The following ANKRD12 variants were observed in gnomAD, a reference collection of about 807,000 sequenced individuals.
ANKRD12 encodes the protein ankyrin repeat domain 12, also known as ankyrin repeat domain-containing protein 12.
In ANKRD12, 85 loss-of-function variants were observed where a neutral mutation model predicts 183.4. The observed-to-expected ratio is 0.46, with a 90% confidence interval of 0.39 to 0.56. The LOEUF (loss-of-function observed/expected upper bound fraction) is 0.56. Among genes scored for constraint, ANKRD12 ranks in the 20% least tolerant of loss-of-function variants. The pLI, the probability that ANKRD12 is intolerant of heterozygous loss-of-function variation, is 0.00. For synonymous variants in ANKRD12, 914 were observed against 800.2 expected, an observed-to-expected ratio of 1.14 and a Z score of -2.40; for missense variants, 2,405 against 2,357.1, an observed-to-expected ratio of 1.02 and a Z score of -0.42.
chr18:9,171,073 C>G (rs969153824), intron 1 of ANKRD12, among the ~76,000 whole-genome samples: 2 of 152,142 alleles, frequency 1.3e-5, no homozygotes, highest in Admixed American at 6.5e-5. Flanking sequence ...GAAGTTTGGT[C>G]TCAGAGGAGT....
At chr18:9,198,228 A>C (rs1345791013) in intron 3 of ANKRD12, among the ~76,000 whole-genome samples, 1 of 152,210 alleles carries the variant, frequency 6.6e-6, no homozygotes, top group Admixed American at 6.5e-5. Context: ...TAATATATGT[A>C]GTATTTAAAG....
Position 9,219,281 on chromosome 18 carries a change from T to G in ANKRD12, c.795+2381T>G, listed in dbSNP as rs981977579. ...CTGTTTTCTCATTCTAGGGCTCTAGTCTAAGGAAATAAGCCTAAAATTGGA... is the reference window on the plus strand; with the variant it reads ...CTGTTTTCTCATTCTAGGGCTCTAGGCTAAGGAAATAAGCCTAAAATTGGA... On this transcript the variant is annotated intron_variant, in intron 7 of 12. Transcript: ENST00000262126. 9.2e-5 allele frequency among the ~76,000 whole-genome samples: 14 copies of G among 152,260 alleles called. No homozygotes were observed. In the South Asian group the frequency reaches 2.9e-3, roughly 32 times the overall value.
At chr18:9,215,380 T>A (rs151217338) in intron 6 of ANKRD12, among the ~76,000 whole-genome samples, 9 of 152,136 alleles carry the variant, frequency 5.9e-5, no homozygotes, top group African/African-American at 2.2e-4. Context: ...GCCTGGACAA[T>A]GAGAACTCTT....
chr18:9,172,017 C>T (rs926841115), intron 1 of ANKRD12, among the ~76,000 whole-genome samples: 2 of 122,166 alleles, frequency 1.6e-5, no homozygotes, highest in Non-Finnish European at 3.6e-5. Flanking sequence ...TGAAATGAAG[C>T]TCCACCTCAA....
chr18:9,139,481 C>G (rs142060950), intron 1 of ANKRD12, among the ~76,000 whole-genome samples: 2 of 152,074 alleles, frequency 1.3e-5, no homozygotes, highest in Non-Finnish European at 2.9e-5. Context: ...TGATTTCTTG[C>G]TATTAGCTGA....
chr18:9,173,162 C>T (rs149357557), intron 1 of ANKRD12, among the ~76,000 whole-genome samples: 1,735 of 151,874 alleles, frequency 0.011, 41 homozygotes, highest in African/African-American at 0.04. Context: ...CTCCGCCTCC[C>T]GGGTTCAAGC....
rs148957879 is a variant in ANKRD12 at position 9,224,153 on chromosome 18, A to T, written c.943+2154A>T. Among the ~76,000 whole-genome samples, 49 of 152,328 alleles carry T rather than the reference A, an allele frequency of 3.2e-4. No individual in the cohort carries two copies. The East Asian group carries it at 3.9e-3, about 12-fold the overall frequency. The stretch of plus-strand genomic sequence containing the variant: ...AGGAAAAGTGAGTGGAAATCCATAA[A>T]CATCACTGATGAGTAAGAAAATGGA... On this transcript the variant is annotated intron_variant, in intron 8 of 12. Transcript: ENST00000262126.
chr18:9,188,371 C>T (rs1387310125), intron 2 of ANKRD12, among the ~76,000 whole-genome samples: 1 of 152,166 alleles, frequency 6.6e-6, no homozygotes, highest in African/African-American at 2.4e-5. Context: ...TAGAGGGAGA[C>T]ACTACCTCTG....
chr18:9,261,203 A>T (rs1159825896), intron 9 of ANKRD12, among the ~76,000 whole-genome samples: 2 of 152,150 alleles, frequency 1.3e-5, no homozygotes, highest in Non-Finnish European at 2.9e-5. Flanking sequence ...CAGACCTTTC[A>T]TGGTTCTCTG....
chr18:9,245,529 T>C (rs1468416497), intron 8 of ANKRD12, among the ~76,000 whole-genome samples: 1 of 152,206 alleles, frequency 6.6e-6, no homozygotes, highest in African/African-American at 2.4e-5. Context: ...GACTTTTTTC[T>C]TTATAAACTA....
chr18:9,248,573 ATTAC>A (rs1279955891), intron 8 of ANKRD12, among the ~76,000 whole-genome samples: 7 of 152,328 alleles, frequency 4.6e-5, no homozygotes, highest in Non-Finnish European at 7.3e-5. Flanking sequence ...TAATTGTATT[ATTAC>A]TTGTGTTTGC....
intron 7 of ANKRD12, among the ~76,000 whole-genome samples, chr18:9,221,459 T>G (rs1306338083): frequency 6.6e-6 from 1 of 152,180 alleles, no homozygotes; most frequent in African/African-American, 2.4e-5. Context: ...TCTTTGAAAC[T>G]TTTTCTAAGA....
chr18:9,270,976 T>A (rs2039572160), intron 10 of ANKRD12, among the ~76,000 whole-genome samples: 1 of 152,200 alleles, frequency 6.6e-6, no homozygotes, highest in African/African-American at 2.4e-5. Context: ...ATTGGCCAGC[T>A]ATGTCATACA....
chr18:9,170,643 A>T (rs929703697), intron 1 of ANKRD12, among the ~76,000 whole-genome samples: 1 of 151,756 alleles, frequency 6.6e-6, no homozygotes, highest in Non-Finnish European at 1.5e-5. Context: ...CTTCTTTGCC[A>T]TTGGTTTGAA....
intron 5 of ANKRD12, among the ~76,000 whole-genome samples, chr18:9,210,558 T>TA (rs1213382551): frequency 1.3e-5 from 2 of 151,570 alleles, no homozygotes; most frequent in Admixed American, 1.3e-4. Context: ...CTGTCTCTAC[T>TA]AAAAAATACA....
rs192301562 is a variant in ANKRD12, at chr18:9,183,410, A to G, written c.87+891A>G. 5.3e-5 allele frequency among the ~76,000 whole-genome samples: 8 copies of G among 152,202 alleles called. No individual in the cohort carries two copies. The East Asian group carries it at 5.8e-4, about 11-fold the overall frequency. Reference sequence around the variant, plus strand: ...AGCTCTTCATTTACTTAGATCTTCAATTTGTCTCAGTAGTGCTTTGTAGTT... The same window carrying G: ...AGCTCTTCATTTACTTAGATCTTCAGTTTGTCTCAGTAGTGCTTTGTAGTT... On this transcript the variant is annotated intron_variant, in intron 2 of 12. Transcript: ENST00000262126.
intron 6 of ANKRD12, among the ~76,000 whole-genome samples, chr18:9,213,591 T>C (rs1404885450): frequency 1.3e-5 from 2 of 151,946 alleles, no homozygotes; most frequent in East Asian, 1.9e-4. Context: ...ATTTTCACTT[T>C]AGTAAGTAGA....
intron 8 of ANKRD12, among the ~76,000 whole-genome samples, chr18:9,247,433 C>T (rs2038026931): frequency 6.6e-6 from 1 of 151,882 alleles, no homozygotes; most frequent in South Asian, 2.1e-4. Flanking sequence ...GAGCTGCGAT[C>T]GTGCCACTGC....
Position 9,256,262 on chromosome 18 carries a change from T to C in ANKRD12, c.2995T>C (p.Ser999Pro), listed in dbSNP as rs2038617131. The change falls in exon 9 of 13, where the codon TCC becomes CCC. Residue 999 changes from serine (S) to proline (P), a missense_variant. By Grantham distance (74) the Ser-to-Pro change is moderately conservative. This residue lies in a region of ANKRD12 where 1,983 missense variants were observed against 1,725.9 expected (regional missense o/e 1.15). Transcript: ENST00000262126. ...TAAAGCACAACATGAAAAACCCTTATCCCTTAAAGAAAAAACAAAAGATGA... is the reference window on the plus strand; with the variant it reads ...TAAAGCACAACATGAAAAACCCTTACCCCTTAAAGAAAAAACAAAAGATGA... ...GNKAQHEKPL[S>P]LKEKTKDEPL... is the part of the protein sequence containing the mutation. The C allele has an allele frequency of 1.9e-6, 3 of 1,603,282 alleles. No individual in the cohort carries two copies. The highest frequency in any genetic ancestry group is 2.2e-5 in the East Asian group (1 of 44,590).
Sources: gnomAD v4.1 joint callset for allele counts (sites outside exome capture counted in the v4.1 genomes callset) on GRCh38, gnomAD v4.1.1 for gene constraint, gnomAD v4.1.1 regional missense constraint, MANE v1.5 for transcripts, NCBI Gene and HGNC (gene_info 2026-07-23, HGNC 2026-07-21) for gene names.